SPATS2: variants seen among roughly 807,000 people sequenced by gnomAD.
SPATS2 encodes the protein spermatogenesis associated serine rich 2, also known as spermatogenesis-associated serine-rich protein 2.
In SPATS2, 38 loss-of-function variants were observed where a neutral mutation model predicts 63.7. That is an observed-to-expected ratio of 0.60 (90% CI 0.46 to 0.78). The LOEUF is 0.78. SPATS2 is among the 30% of genes least tolerant of loss of function. The probability of loss-of-function intolerance (pLI) is 0.00; values close to 1 mark genes in which losing one functional copy is unlikely to be tolerated. For missense variants in SPATS2, 588 were observed against 666.2 expected (o/e 0.88, Z 1.29); for synonymous variants, 207 against 232.9 (o/e 0.89, Z 1.01).
intron 2 of SPATS2, among the ~76,000 whole-genome samples, chr12:49,427,614 A>G (rs1006910683): frequency 1.3e-5 from 2 of 152,242 alleles, no homozygotes; most frequent in Admixed American, 1.3e-4. Context: ...CCTACCAGAA[A>G]TAAATAAGAA....
chr12:49,524,000 A>G (rs1158658050), intron 12 of SPATS2, among the ~76,000 whole-genome samples: 1 of 152,164 alleles, frequency 6.6e-6, no homozygotes, highest in Non-Finnish European at 1.5e-5. Context: ...TTATAAACTC[A>G]TCATTAATCC....
intron 3 of SPATS2, among the ~76,000 whole-genome samples, chr12:49,483,058 G>A (rs554190864): frequency 4.1e-5 from 6 of 147,654 alleles, no homozygotes; most frequent in South Asian, 4.5e-4. Context: ...CAAAATGTTC[G>A]GATTATAGGC....
chr12:49,408,489 G>A (rs1369330378), intron 2 of SPATS2, among the ~76,000 whole-genome samples: 2 of 150,896 alleles, frequency 1.3e-5, no homozygotes, highest in Non-Finnish European at 2.9e-5. Context: ...CTGACCTCAA[G>A]TGATTCGCCT....
At chr12:49,497,805 T>C (rs1946489737) in intron 8 of SPATS2, among the ~76,000 whole-genome samples, 1 of 152,000 alleles carries the variant, frequency 6.6e-6, no homozygotes. Context: ...CATTTTCTCT[T>C]AAGTATGTGG....
chr12:49,436,485 G>T (rs1945293014), intron 2 of SPATS2, among the ~76,000 whole-genome samples: 1 of 136,634 alleles, frequency 7.3e-6, no homozygotes, highest in Non-Finnish European at 1.6e-5. Flanking sequence ...AGGCAGAGGC[G>T]CCCCTTACCT....
intron 2 of SPATS2, among the ~76,000 whole-genome samples, chr12:49,409,831 G>A: frequency 6.6e-6 from 1 of 151,910 alleles, no homozygotes; most frequent in Non-Finnish European, 1.5e-5. Flanking sequence ...TTGAACTCCT[G>A]ACATCTAGTG....
In SPATS2 at chr12:49,488,691, GA is replaced by G. The variant is rs543203836; in HGVS notation, c.106-768del. On this transcript the variant is annotated intron_variant, in intron 4 of 13. Transcript: ENST00000552918. ...AATAAGAGATGCATTTATCAACATA[GA>G]AAAAATCTAAAACAATAATGCTATG... 1.7e-3 allele frequency among the ~76,000 whole-genome samples: 265 copies of G among 151,682 alleles called. 2 individuals carry two copies. Among genetic ancestry groups the G allele is most frequent in the Admixed American group, 4.0e-3 (61 of 15,224 alleles).
chr12:49,496,778 A>T, intron 7 of SPATS2, 55 bp from the exon 8 acceptor site: 1 of 1,569,920 alleles, frequency 6.4e-7, no homozygotes. Context: ...GTACTTAAGA[A>T]TGACTGGTTT....
chr12:49,472,800 G>T (rs1229672681), intron 3 of SPATS2, among the ~76,000 whole-genome samples: 1 of 151,274 alleles, frequency 6.6e-6, no homozygotes, highest in African/African-American at 2.4e-5. Flanking sequence ...AGCACTTTGG[G>T]AGGCTGAGGT....
chr12:49,394,462 A>T (rs1592355512), intron 2 of SPATS2, among the ~76,000 whole-genome samples: 1 of 152,204 alleles, frequency 6.6e-6, no homozygotes, highest in Admixed American at 6.5e-5. Context: ...TGCTGACAAC[A>T]TTGAATCTTC....
At chr12:49,467,613 TC>T (rs1225721967) in intron 3 of SPATS2, among the ~76,000 whole-genome samples, 1 of 152,252 alleles carries the variant, frequency 6.6e-6, no homozygotes, top group East Asian at 1.9e-4. Flanking sequence ...GATATTTTTC[TC>T]CTGTATCTGA....
At chr12:49,424,223 C>CA (rs925268285) in intron 2 of SPATS2, among the ~76,000 whole-genome samples, 8 of 151,580 alleles carry the variant, frequency 5.3e-5, no homozygotes, top group South Asian at 4.2e-4. Flanking sequence ...AACAAACAAA[C>CA]AAAAAAAACA....
intron 2 of SPATS2, among the ~76,000 whole-genome samples, chr12:49,388,294 T>C (rs1944355549): frequency 6.6e-6 from 1 of 152,200 alleles, no homozygotes; most frequent in African/African-American, 2.4e-5. Flanking sequence ...TTTTCATATT[T>C]AATGTGATTA....
intron 2 of SPATS2, among the ~76,000 whole-genome samples, chr12:49,380,680 T>G (rs1287239850): frequency 6.6e-6 from 1 of 151,752 alleles, no homozygotes; most frequent in Non-Finnish European, 1.5e-5. Context: ...CCCTCCAGCC[T>G]GGGAGACAGA....
At chr12:49,464,940 T>C (rs1379724264) in intron 3 of SPATS2, among the ~76,000 whole-genome samples, 2 of 152,232 alleles carry the variant, frequency 1.3e-5, no homozygotes, top group Non-Finnish European at 2.9e-5. Context: ...TCACTTTATT[T>C]TTGCATTTTC....
intron 12 of SPATS2, among the ~76,000 whole-genome samples, chr12:49,523,951 CAA>C (rs1038093822): frequency 2.3e-5 from 3 of 130,076 alleles, no homozygotes; most frequent in Admixed American, 7.8e-5. Context: ...GACTCCGGAT[CAA>C]AAAAAAAAAA....
chr12:49,500,023 A>G, intron 8 of SPATS2, 47 bp from the exon 9 acceptor site: 3 of 1,315,400 alleles, frequency 2.3e-6, no homozygotes, highest in South Asian at 4.1e-5. Flanking sequence ...AGTTACCTAT[A>G]TAATTATTCT....
At chr12:49,402,725 G>C (rs988435060) in intron 2 of SPATS2, among the ~76,000 whole-genome samples, 1 of 152,136 alleles carries the variant, frequency 6.6e-6, no homozygotes, top group Non-Finnish European at 1.5e-5. Flanking sequence ...TGAATGTAAA[G>C]AAGAAGGGGG....
intron 4 of SPATS2, chr12:49,486,296 C>T (rs1946292156): frequency 4.6e-6 from 2 of 436,854 alleles, no homozygotes; most frequent in African/African-American, 4.1e-5. Context: ...ACCTCCGCCT[C>T]CCGGGTTCAA....
Sources: gnomAD v4.1 joint callset for allele counts (sites outside exome capture counted in the v4.1 genomes callset) on GRCh38, gnomAD v4.1.1 for gene constraint, MANE v1.5 for transcripts, NCBI Gene and HGNC (gene_info 2026-07-23, HGNC 2026-07-21) for gene names.